The following CCDC186 variants were observed in gnomAD, a reference collection of about 807,000 sequenced individuals.
The protein encoded by CCDC186 is coiled-coil domain-containing protein 186.
CCDC186 carries 49 observed loss-of-function variants against 113.7 expected under a neutral mutation model. That is an observed-to-expected ratio of 0.43 (90% CI 0.34 to 0.55). CCDC186 has a LOEUF of 0.55. Among genes scored for constraint, CCDC186 ranks in the 20% least tolerant of loss-of-function variants. The pLI is 0.02. For missense variants in CCDC186, 890 were observed against 1,011.1 expected (o/e 0.88, Z 1.62); for synonymous variants, 355 against 345.8 (o/e 1.03, Z -0.30).
intron 14 of CCDC186, among the ~76,000 whole-genome samples, chr10:114,126,767 C>T (rs2030917002): frequency 6.6e-6 from 1 of 152,114 alleles, no homozygotes; most frequent in African/African-American, 2.4e-5. Flanking sequence ...GCAAACTTTC[C>T]TATAAGTCTA....
chr10:114,159,954 C>T (rs896012977), intron 2 of CCDC186, among the ~76,000 whole-genome samples: 4 of 151,872 alleles, frequency 2.6e-5, no homozygotes, highest in South Asian at 2.1e-4. Flanking sequence ...GAGAGCAAGA[C>T]CCTATCTCAA....
chr10:114,132,435 T>A (rs951480506), intron 10 of CCDC186, among the ~76,000 whole-genome samples: 2 of 152,204 alleles, frequency 1.3e-5, no homozygotes, highest in Non-Finnish European at 2.9e-5. Flanking sequence ...ACATTTTTTA[T>A]GATAAAAGCA....
At chr10:114,142,703 G>A (rs1242447037) in intron 6 of CCDC186, among the ~76,000 whole-genome samples, 1 of 152,150 alleles carries the variant, frequency 6.6e-6, no homozygotes, top group East Asian at 1.9e-4. Context: ...TGCACTGGGG[G>A]TCTGACCAGA....
At chr10:114,157,415 C>A in intron 3 of CCDC186, 139 bp downstream of exon 3, 12 of 567,056 alleles carry the variant, frequency 2.1e-5, no homozygotes, top group Non-Finnish European at 2.7e-5. Flanking sequence ...TGGTCTCAAA[C>A]TCCTGGGCTC....
intron 6 of CCDC186, among the ~76,000 whole-genome samples, chr10:114,137,766 G>C (rs746874616): frequency 2.0e-5 from 3 of 152,070 alleles, no homozygotes; most frequent in East Asian, 3.9e-4. Context: ...GCCAGGCATG[G>C]TGGCTCATGC....
At chr10:114,126,560 G>T (rs894330042) in intron 14 of CCDC186, among the ~76,000 whole-genome samples, 6 of 152,034 alleles carry the variant, frequency 3.9e-5, no homozygotes, top group Non-Finnish European at 8.8e-5. Flanking sequence ...ATGTTGCTCA[G>T]GCTGGTTGAC....
At chr10:114,130,243 G>C (rs1213678389) in intron 12 of CCDC186, 2 of 228,710 alleles carry the variant, frequency 8.7e-6, no homozygotes, top group East Asian at 2.2e-4. Context: ...GAAAGATTTA[G>C]AAGTTCCTTA....
At chr10:114,168,603 C>T (rs2032401800) in intron 1 of CCDC186, among the ~76,000 whole-genome samples, 1 of 152,292 alleles carries the variant, frequency 6.6e-6, no homozygotes, top group South Asian at 2.1e-4. Context: ...TGACTTGGCA[C>T]AAGAAGACAG....
rs1564908434 is a variant in CCDC186 at position 114,138,064 on chromosome 10, AAAAAAAAAATAAAAAAAAT to A, written c.1222-793_1222-775del. ...AAAAAAAAAAAAAAAAAAAAAAAAA[AAAAAAAAAATAAAAAAAAT>A]ACACAAATTAGCCAGGCATGGTGGT... is the stretch of plus-strand genomic sequence containing the variant. On this transcript the variant is annotated intron_variant, in intron 6 of 15. Transcript: ENST00000369287. Among the ~76,000 whole-genome samples, 77 of 80,824 alleles carry A rather than the reference AAAAAAAAAATAAAAAAAAT, an allele frequency of 9.5e-4. 1 individual carries two copies. The highest frequency in any genetic ancestry group is 4.9e-3 in the African/African-American group (72 of 14,684). The allele number at this position is 80,824 out of a possible 152,430, so 53.0% of individuals were successfully genotyped here.
At chr10:114,148,702 T>G (rs751220085) in intron 4 of CCDC186, among the ~76,000 whole-genome samples, 8 of 152,238 alleles carry the variant, frequency 5.3e-5, no homozygotes, top group Non-Finnish European at 8.8e-5. Flanking sequence ...AATGGTATAC[T>G]AGGGCTAAAA....
intron 1 of CCDC186, among the ~76,000 whole-genome samples, chr10:114,165,594 G>A (rs2032311384): frequency 6.6e-6 from 1 of 152,214 alleles, no homozygotes; most frequent in South Asian, 2.1e-4. Context: ...GGGGAGCTGA[G>A]GCAGAGAACT....
At chr10:114,125,260 A>G in intron 15 of CCDC186, 34 bp from the exon 16 acceptor site, 1 of 1,455,310 alleles carries the variant, frequency 6.9e-7, no homozygotes, top group Non-Finnish European at 9.5e-7. Context: ...AAGGGAAGAG[A>G]AAAACAAAAG....
intron 6 of CCDC186, among the ~76,000 whole-genome samples, chr10:114,143,265 T>C (rs2031534589): frequency 1.3e-5 from 2 of 152,342 alleles, no homozygotes; most frequent in East Asian, 1.9e-4. Flanking sequence ...GTTCTTTTGT[T>C]CCTAAGTGCT....
intron 3 of CCDC186, among the ~76,000 whole-genome samples, chr10:114,153,786 CA>C (rs35593370): frequency 0.17 from 10,211 of 61,186 alleles, 345 homozygotes; most frequent in Middle Eastern, 0.31. Context: ...AATGACGTCT[CA>C]AAAAAAAAAA....
Position 114,174,130 on chromosome 10 carries a change from T to C in CCDC186, c.-177A>G, listed in dbSNP as rs961561499. 4 of 471,898 alleles carry C rather than the reference T, an allele frequency of 8.5e-6. No individual in the cohort carries two copies. Among genetic ancestry groups the C allele is most frequent in the Non-Finnish European group, 1.8e-5 (4 of 226,954 alleles). 29.2% of individuals were successfully genotyped at this position (471,898 alleles called of 1,614,324 possible). On this transcript the variant is annotated 5_prime_UTR_variant, in exon 1 of 16. Coordinates refer to ENST00000369287, the MANE Select transcript of CCDC186 (RefSeq NM_018017.4). Reference sequence around the variant, plus strand: ...CAAGAGTGGGAGGAAAAGACCGCGGTGAGAAACACAGCCGACGCCTCACTC... The same window carrying C: ...CAAGAGTGGGAGGAAAAGACCGCGGCGAGAAACACAGCCGACGCCTCACTC...
At chr10:114,164,986 C>G (rs570707588) in intron 1 of CCDC186, among the ~76,000 whole-genome samples, 3 of 152,098 alleles carry the variant, frequency 2.0e-5, no homozygotes, top group Non-Finnish European at 2.9e-5. Flanking sequence ...TTAATTAAAG[C>G]CTGTAAGCAC....
intron 1 of CCDC186, among the ~76,000 whole-genome samples, chr10:114,170,736 T>C (rs1402608338): frequency 2.6e-5 from 4 of 152,158 alleles, no homozygotes; most frequent in Non-Finnish European, 5.9e-5. Context: ...TATTTATCCC[T>C]GTGGGGGTAT....
intron 12 of CCDC186, chr10:114,130,882 CA>C (rs2031066287): frequency 3.3e-6 from 1 of 305,642 alleles, no homozygotes; most frequent in African/African-American, 2.2e-5. Flanking sequence ...AGTATGTGAT[CA>C]AAAGTTTAGA....
chr10:114,128,262 T>C (rs1001525314), intron 13 of CCDC186, among the ~76,000 whole-genome samples: 1 of 152,234 alleles, frequency 6.6e-6, no homozygotes, highest in African/African-American at 2.4e-5. Flanking sequence ...GTATTACTTT[T>C]ACCAACATCA....
Sources: allele counts gnomAD v4.1 joint callset (sites outside exome capture counted in the v4.1 genomes callset), GRCh38; gene constraint gnomAD v4.1.1; transcripts MANE v1.5; gene names NCBI Gene and HGNC (gene_info 2026-07-23, HGNC 2026-07-21).